Variants in HLCS observed in about 807,000 individuals in gnomAD.
The protein encoded by HLCS is holocarboxylase synthetase.
A neutral mutation model predicts 75.0 loss-of-function variants in HLCS; 53 were observed. That is an observed-to-expected ratio of 0.71 (90% CI 0.57 to 0.89). The LOEUF is 0.89. HLCS is among the 40% of genes least tolerant of loss of function. The probability of loss-of-function intolerance (pLI) is 0.00; values close to 1 mark genes in which losing one functional copy is unlikely to be tolerated. For missense variants in HLCS, 966 were observed against 1,074.0 expected, an observed-to-expected ratio of 0.90 and a Z score of 1.41; for synonymous variants, 431 against 428.6, an observed-to-expected ratio of 1.01 and a Z score of -0.07.
chr21:36,765,709 G>A (rs1251789973), intron 7 of HLCS, among the ~76,000 whole-genome samples: 1 of 152,186 alleles, frequency 6.6e-6, no homozygotes, highest in Admixed American at 6.5e-5. Flanking sequence ...TGCAGTGCGT[G>A]TGATCTCAGC....
At chr21:36,767,823 G>A (rs950999679) in intron 6 of HLCS, among the ~76,000 whole-genome samples, 2 of 152,106 alleles carry the variant, frequency 1.3e-5, no homozygotes, top group Non-Finnish European at 2.9e-5. Context: ...TTTAACTATG[G>A]TAAATAAATC....
In HLCS at chr21:36,936,766, C is replaced by T. The variant is rs974900808; in HGVS notation, c.1120G>A (p.Glu374Lys). 5 of 1,614,102 alleles carry T rather than the reference C, an allele frequency of 3.1e-6. No individual in the cohort carries two copies. Among genetic ancestry groups the T allele is most frequent in the East Asian group, 4.5e-5 (2 of 44,902 alleles). Residue 374 changes from glutamate (E) to lysine (K), a missense_variant, in exon 4 of 11, where the codon GAA becomes AAA. Coordinates refer to ENST00000674895, the MANE Select transcript of HLCS (RefSeq NM_001352514.2). ...LVIATRESIP[E>K]DLYQKFMAYL... ...GCCATGAACTTCTGGTACAGGTCTT[C>T]GGGAATGGACTCCCTGGTAGCAATG...
chr21:36,753,893 G>A lies in HLCS; in HGVS notation c.*353C>T, dbSNP rs551333782. ...TTTGGTTTGTTTTTTCATAGACTAG[G>A]GGTAAAGGTCTGCACTACTAAGAAA... On this transcript the variant is annotated 3_prime_UTR_variant, in exon 11 of 11. Coordinates refer to ENST00000674895, the MANE Select transcript of HLCS (RefSeq NM_001352514.2). The surrounding 1 kb of genome is among the most constrained non-coding windows in gnomAD (Gnocchi z 4.3). 1 of 369,808 alleles carries A rather than the reference G, an allele frequency of 2.7e-6. No homozygotes were observed. The highest frequency in any genetic ancestry group is 2.3e-5 in the South Asian group (1 of 42,814). 22.9% of individuals were successfully genotyped at this position (369,808 alleles called of 1,614,324 possible). A position where few individuals can be genotyped will look rare whatever the true frequency, so the allele number is the denominator to read the frequency against.
Position 36,947,375 on chromosome 21 carries a change from T to C in HLCS, c.331-8381A>G, listed in dbSNP as rs1471151080. Reference sequence around the variant, plus strand: ...TTCTAGGAGCGTGGTCCATGAGCCATGGACCATGCAAACGCCTTCAAGCAG... The same window carrying C: ...TTCTAGGAGCGTGGTCCATGAGCCACGGACCATGCAAACGCCTTCAAGCAG... On this transcript the variant is annotated intron_variant, in intron 2 of 10. Transcript: ENST00000674895. The C allele has an allele frequency of 1.7e-4, 164 of 985,290 alleles. 1 individual carries two copies. The highest frequency in any genetic ancestry group is 1.9e-4 in the Non-Finnish European group (160 of 829,950). 61.0% of individuals were successfully genotyped at this position (985,290 alleles called of 1,614,324 possible). A position where few individuals can be genotyped will look rare whatever the true frequency, so the allele number is the denominator to read the frequency against.
intron 1 of HLCS, 108 bp downstream of exon 1, chr21:36,966,336 C>CCA (rs1226826358): frequency 2.2e-6 from 1 of 451,640 alleles, no homozygotes; most frequent in African/African-American, 2.1e-5. Context: ...ACTGAGGGCG[C>CCA]CACTCCGGGG....
At chr21:36,962,913 A>G (rs945941092) in intron 1 of HLCS, among the ~76,000 whole-genome samples, 1 of 152,042 alleles carries the variant, frequency 6.6e-6, no homozygotes, top group African/African-American at 2.4e-5. Flanking sequence ...ATCACAGCAC[A>G]GGGCACCAGG....
At chr21:36,759,120 T>C in intron 9 of HLCS, 1 of 471,098 alleles carries the variant, frequency 2.1e-6, no homozygotes, top group Non-Finnish European at 4.4e-6. Context: ...TGGTTACATG[T>C]TTTTTGACCA....
chr21:36,829,464 A>G (rs2062121281), intron 6 of HLCS, among the ~76,000 whole-genome samples: 1 of 152,224 alleles, frequency 6.6e-6, no homozygotes, highest in Non-Finnish European at 1.5e-5. Context: ...TATTAACTAT[A>G]CAGATGATAC....
At chr21:36,835,244 T>C (rs544244878) in intron 6 of HLCS, among the ~76,000 whole-genome samples, 11 of 152,188 alleles carry the variant, frequency 7.2e-5, no homozygotes, top group Non-Finnish European at 1.6e-4. Context: ...AGATTTTAAT[T>C]TCACATTATG....
rs1336530606 is a variant in HLCS, at chr21:36,777,377, A to C, written c.1893-10092T>G. ...TTTTCTGACCCTTTAAAATGTAAAA[A>C]AACATGCTTAGCTCTCATGCGGCAC... On this transcript the variant is annotated intron_variant, in intron 6 of 10. Coordinates refer to ENST00000674895, the MANE Select transcript of HLCS (RefSeq NM_001352514.2). 2.6e-5 allele frequency among the ~76,000 whole-genome samples: 4 copies of C among 152,380 alleles called. No individual in the cohort carries two copies. The East Asian group carries it at 7.7e-4, about 29-fold the overall frequency.
At chr21:36,901,551 C>T (rs974466623) in intron 5 of HLCS, among the ~76,000 whole-genome samples, 14 of 152,312 alleles carry the variant, frequency 9.2e-5, no homozygotes, top group Non-Finnish European at 1.6e-4. Flanking sequence ...TCAACGGGGC[C>T]GTGCCTCCTG....
At chr21:36,972,883 A>AT (rs1569268306) in intron 1 of HLCS, among the ~76,000 whole-genome samples, 1 of 152,172 alleles carries the variant, frequency 6.6e-6, no homozygotes, top group Non-Finnish European at 1.5e-5. Flanking sequence ...GAATTACATA[A>AT]TCAGGCCACT....
At chr21:36,936,371 T>C in intron 4 of HLCS, 78 bp downstream of exon 4, 1 of 1,251,280 alleles carries the variant, frequency 8.0e-7, no homozygotes, top group Non-Finnish European at 1.2e-6. Context: ...TTTAAGCGTG[T>C]ACCTTTAAAA....
At chr21:36,839,993 A>G (rs2058856662) in intron 6 of HLCS, among the ~76,000 whole-genome samples, 1 of 152,266 alleles carries the variant, frequency 6.6e-6, no homozygotes, top group African/African-American at 2.4e-5. Context: ...TCCAAGGAGC[A>G]AGAAAAACTT....
At chr21:36,920,381 G>C (rs2066112367) in intron 5 of HLCS, among the ~76,000 whole-genome samples, 1 of 150,928 alleles carries the variant, frequency 6.6e-6, no homozygotes, top group African/African-American at 2.4e-5. Context: ...GGGAAGGTGG[G>C]GCAGAGATGG....
At chr21:36,757,894 T>G (rs1315359956) in intron 9 of HLCS, among the ~76,000 whole-genome samples, 1 of 152,110 alleles carries the variant, frequency 6.6e-6, no homozygotes, top group Admixed American at 6.5e-5. Context: ...CTGAAAATTC[T>G]CCCGTGTTCA....
intron 2 of HLCS, among the ~76,000 whole-genome samples, chr21:36,940,081 T>C (rs947943440): frequency 2.6e-5 from 4 of 152,044 alleles, no homozygotes; most frequent in Non-Finnish European, 4.4e-5. Flanking sequence ...AATTTAAAGG[T>C]TGGTTGTGTT....
chr21:36,913,934 C>A (rs1234176617), intron 5 of HLCS, among the ~76,000 whole-genome samples: 11 of 152,122 alleles, frequency 7.2e-5, no homozygotes, highest in Admixed American at 5.9e-4. Context: ...GTCATATTCA[C>A]AAGGGTTCTG....
At chr21:36,957,822 G>A (rs997698472) in intron 2 of HLCS, among the ~76,000 whole-genome samples, 16 of 151,640 alleles carry the variant, frequency 1.1e-4, no homozygotes, top group South Asian at 2.1e-4. Context: ...CCAGCTACTC[G>A]GGAGGCTGAG....
Sources: gnomAD v4.1 joint callset for allele counts (sites outside exome capture counted in the v4.1 genomes callset) on GRCh38, gnomAD v4.1.1 for gene constraint, Gnocchi (gnomAD v3.1) non-coding constraint, MANE v1.5 for transcripts, NCBI Gene and HGNC (gene_info 2026-07-23, HGNC 2026-07-21) for gene names.